Variants in CD58 observed in about 807,000 individuals in gnomAD.
The protein encoded by CD58 is CD58 molecule, also known as lymphocyte function-associated antigen 3.
Under a neutral mutation model 27.6 loss-of-function variants are expected in CD58, and 14 were observed. That is an observed-to-expected ratio of 0.51 (90% CI 0.34 to 0.79). CD58 has a LOEUF of 0.79. Among genes scored for constraint, CD58 ranks in the 30% least tolerant of loss-of-function variants. The probability of loss-of-function intolerance (pLI) is 0.02; values close to 1 mark genes in which losing one functional copy is unlikely to be tolerated. For synonymous variants in CD58, 117 were observed against 103.8 expected (o/e 1.13, Z -0.77); for missense variants, 268 against 301.7 (o/e 0.89, Z 0.83).
At chr1:116,526,250 G>T (rs181801113) in intron 3 of CD58, among the ~76,000 whole-genome samples, 3 of 152,090 alleles carry the variant, frequency 2.0e-5, no homozygotes, top group African/African-American at 7.2e-5. Flanking sequence ...CTTTGGTGTT[G>T]TATCTAAAAA....
At chr1:116,518,622 A>T in intron 5 of CD58, 1 of 974,950 alleles carries the variant, frequency 1.0e-6, no homozygotes, top group South Asian at 4.7e-5. Context: ...TCTTCCCCTC[A>T]TCCCTCAACA....
intron 1 of CD58, among the ~76,000 whole-genome samples, chr1:116,569,030 A>C (rs985758611): frequency 2.6e-5 from 4 of 152,260 alleles, no homozygotes; most frequent in Admixed American, 1.3e-4. Context: ...TACATGAATT[A>C]GGTGAGAGAG....
intron 1 of CD58, among the ~76,000 whole-genome samples, chr1:116,562,520 T>G (rs1658789263): frequency 6.6e-6 from 1 of 152,108 alleles, no homozygotes; most frequent in Non-Finnish European, 1.5e-5. Flanking sequence ...TATTAGTCCA[T>G]TCTCGCACTG....
In CD58 at chr1:116,534,294, T is replaced by C. The variant is rs950232536; in HGVS notation, c.628+1671A>G. Among the ~76,000 whole-genome samples the C allele has an allele frequency of 6.6e-6, 1 of 152,222 alleles. No individual in the cohort carries two copies. Among genetic ancestry groups the C allele is most frequent in the Admixed American group, 6.5e-5 (1 of 15,284 alleles). On this transcript the variant is annotated intron_variant, in intron 3 of 5. Transcript: ENST00000369489. The surrounding 1 kb of genome is among the most constrained non-coding windows in gnomAD (Gnocchi z 5.3). ...CGAAACTTACAATCAAAACCCCAGT[T>C]AGCCCAGCCTGACCCCACAGATGCT... is the stretch of plus-strand genomic sequence containing the variant.
In CD58 at chr1:116,524,037, C is replaced by A. The variant is rs561496835; in HGVS notation, c.629-2054G>T. On this transcript the variant is annotated intron_variant, in intron 3 of 5. Transcript: ENST00000369489. The surrounding 1 kb of genome is among the most constrained non-coding windows in gnomAD (Gnocchi z 4.6). Reference sequence around the variant, plus strand: ...TTGTCTTATTTTTGGCCAGAGGGAACCTCTTCAGAGTGGCTCCTGAGTCCT... The same window carrying A: ...TTGTCTTATTTTTGGCCAGAGGGAAACTCTTCAGAGTGGCTCCTGAGTCCT... Among the ~76,000 whole-genome samples, 1 of 152,276 alleles carries A rather than the reference C, an allele frequency of 6.6e-6. No individual in the cohort carries two copies. Among genetic ancestry groups the A allele is most frequent in the South Asian group, 2.1e-4 (1 of 4,824 alleles).
In CD58 at chr1:116,522,871, C is replaced by CA. The variant is rs1191405303; in HGVS notation, c.629-889dup. Among the ~76,000 whole-genome samples the CA allele has an allele frequency of 6.6e-6, 1 of 152,146 alleles. No individual in the cohort carries two copies. The highest frequency in any genetic ancestry group is 2.4e-5 in the African/African-American group (1 of 41,424). Reference sequence around the variant, plus strand: ...TTTATCATGAAGCATCTAGACATTGCACTAAGTCATGTGCCTATAGTCTCA... The same window carrying CA: ...TTTATCATGAAGCATCTAGACATTGCAACTAAGTCATGTGCCTATAGTCTCA... On this transcript the variant is annotated intron_variant, in intron 3 of 5. Coordinates refer to ENST00000369489, the MANE Select transcript of CD58 (RefSeq NM_001779.3). The surrounding 1 kb of genome is among the most constrained non-coding windows in gnomAD (Gnocchi z 4.6).
rs769016181 is a variant in CD58 at position 116,515,079 on chromosome 1, C to CT, written c.744-258dup. 3.3e-5 allele frequency among the ~76,000 whole-genome samples: 5 copies of CT among 152,338 alleles called. No individual in the cohort carries two copies. The highest frequency in any genetic ancestry group is 5.9e-5 in the Non-Finnish European group (4 of 68,032). On this transcript the variant is annotated intron_variant, in intron 5 of 5. Coordinates refer to ENST00000369489, the MANE Select transcript of CD58 (RefSeq NM_001779.3). The surrounding 1 kb of genome is among the most constrained non-coding windows in gnomAD (Gnocchi z 4.6). The stretch of plus-strand genomic sequence containing the variant: ...CCCCAAGGCTCCTCCCGCTTACTCT[C>CT]TGAGTATAACTGAAAGATTGAACAA...
At chr1:116,533,898 T>C in intron 3 of CD58, 2 of 1,268,478 alleles carry the variant, frequency 1.6e-6, no homozygotes, top group Non-Finnish European at 1.1e-6. Flanking sequence ...CATTAATTCT[T>C]CTTTTTACTG....
chr1:116,520,287 T>C (rs1015253690), intron 4 of CD58, among the ~76,000 whole-genome samples: 1 of 151,996 alleles, frequency 6.6e-6, no homozygotes, highest in African/African-American at 2.4e-5. Flanking sequence ...AATTTTTGTA[T>C]TTTTTTGTAG....
At chr1:116,548,059 T>G (rs757947853) in intron 1 of CD58, among the ~76,000 whole-genome samples, 2 of 152,224 alleles carry the variant, frequency 1.3e-5, no homozygotes, top group Non-Finnish European at 2.9e-5. Context: ...TTAGTAATGT[T>G]GAGCATTTTT....
At chr1:116,539,784 T>C (rs1657936295) in intron 2 of CD58, among the ~76,000 whole-genome samples, 1 of 152,250 alleles carries the variant, frequency 6.6e-6, no homozygotes, top group Non-Finnish European at 1.5e-5. Flanking sequence ...CATATTTTCT[T>C]GCTGCCCGTG....
chr1:116,569,564 G>A (rs919741028), intron 1 of CD58, among the ~76,000 whole-genome samples: 1 of 148,260 alleles, frequency 6.7e-6, no homozygotes, highest in East Asian at 2.0e-4. Context: ...AAAAGAGACT[G>A]CCTTCTTCTT....
chr1:116,537,530 T>C (rs1657851989), intron 2 of CD58, among the ~76,000 whole-genome samples: 1 of 152,208 alleles, frequency 6.6e-6, no homozygotes, highest in Non-Finnish European at 1.5e-5. Flanking sequence ...GACCTGTTAA[T>C]AGGCAGTGCA....
At position 116,528,310 on chromosome 1, in the gene CD58, A is replaced by G. The variant is rs560316707; in HGVS notation, c.629-6327T>C. 2.2e-3 allele frequency among the ~76,000 whole-genome samples: 333 copies of G among 151,782 alleles called. 2 individuals are homozygous for G. The highest frequency in any genetic ancestry group is 3.4e-3 in the Middle Eastern group (1 of 292). The stretch of plus-strand genomic sequence containing the variant: ...CTTCTCCTTTTTCCTATTTCCGCAT[A>G]TTTTTGTGTTTCTATGATGAATTTT... On this transcript the variant is annotated intron_variant, in intron 3 of 5. Coordinates refer to ENST00000369489, the MANE Select transcript of CD58 (RefSeq NM_001779.3). This position sits in a 1 kb window ranked among gnomAD's most constrained non-coding sequence, Gnocchi z 4.4.
At position 116,523,642 on chromosome 1, in the gene CD58, G is replaced by A. The variant is rs1325117033; in HGVS notation, c.629-1659C>T. ...TGTATACTTCCCTTAGGTGGCATAC[G>A]ATGCCTGGTTGCTTTTCTTTTCATG... On this transcript the variant is annotated intron_variant, in intron 3 of 5. Transcript: ENST00000369489. The surrounding 1 kb of genome is among the most constrained non-coding windows in gnomAD (Gnocchi z 4.4). Among the ~76,000 whole-genome samples the A allele has an allele frequency of 3.3e-5, 5 of 152,142 alleles. No individual in the cohort carries two copies. Among genetic ancestry groups the A allele is most frequent in the Admixed American group, 2.0e-4 (3 of 15,280 alleles).
intron 3 of CD58, among the ~76,000 whole-genome samples, chr1:116,529,197 C>A (rs1214532161): frequency 6.6e-6 from 1 of 152,220 alleles, no homozygotes; most frequent in Non-Finnish European, 1.5e-5. Context: ...CTCAACTTCT[C>A]AATTTTCTAA....
rs1657502029 is a variant in CD58 at position 116,528,725 on chromosome 1, G to A, written c.629-6742C>T. Among the ~76,000 whole-genome samples the A allele has an allele frequency of 6.6e-6, 1 of 152,152 alleles. No homozygotes were observed. The highest frequency in any genetic ancestry group is 1.5e-5 in the Non-Finnish European group (1 of 68,024). On this transcript the variant is annotated intron_variant, in intron 3 of 5. Coordinates refer to ENST00000369489, the MANE Select transcript of CD58 (RefSeq NM_001779.3). The surrounding 1 kb of genome is among the most constrained non-coding windows in gnomAD (Gnocchi z 4.4). Reference sequence around the variant, plus strand: ...TGAAGTGCACTGGGTTTCTTTACCTGGAAATAGCCTTTGACTCTCAAAGGT... The same window carrying A: ...TGAAGTGCACTGGGTTTCTTTACCTAGAAATAGCCTTTGACTCTCAAAGGT...
chr1:116,540,540 C>T (rs545604328), intron 2 of CD58, among the ~76,000 whole-genome samples: 256 of 152,228 alleles, frequency 1.7e-3, no homozygotes, highest in African/African-American at 5.9e-3. Flanking sequence ...TGCACCATCA[C>T]ATTAATCTTC....
At chr1:116,520,301 T>G (rs1186445212) in intron 4 of CD58, among the ~76,000 whole-genome samples, 1 of 151,836 alleles carries the variant, frequency 6.6e-6, no homozygotes, top group African/African-American at 2.4e-5. Flanking sequence ...TTTGTAGAGA[T>G]AGTGTTTCAC....
Sources: allele counts gnomAD v4.1 joint callset (sites outside exome capture counted in the v4.1 genomes callset), GRCh38; gene constraint gnomAD v4.1.1; non-coding constraint Gnocchi (gnomAD v3.1); transcripts MANE v1.5; gene names NCBI Gene and HGNC (gene_info 2026-07-23, HGNC 2026-07-21).